HCN1: variants seen among roughly 807,000 people sequenced by gnomAD.
HCN1 encodes the protein hyperpolarization activated cyclic nucleotide gated potassium channel 1.
HCN1 carries 13 observed loss-of-function variants against 78.9 expected under a neutral mutation model. The observed-to-expected ratio is 0.16, with a 90% CI of 0.11 to 0.26. The LOEUF is 0.26. HCN1 is among the 10% of genes least tolerant of loss of function. HCN1 has a pLI of 1.00. For missense variants in HCN1, 810 were observed against 1,154.3 expected (o/e 0.70, Z 4.32); for synonymous variants, 552 against 455.5 (o/e 1.21, Z -2.70).
intron 2 of HCN1, among the ~76,000 whole-genome samples, chr5:45,465,927 T>C (rs58583636): frequency 5.9e-4 from 90 of 152,290 alleles, no homozygotes; most frequent in African/African-American, 2.0e-3. Context: ...TGAACTTTTT[T>C]TATATTATAG....
intron 3 of HCN1, among the ~76,000 whole-genome samples, chr5:45,427,297 A>G (rs971612450): frequency 6.6e-6 from 1 of 152,056 alleles, no homozygotes; most frequent in African/African-American, 2.4e-5. Flanking sequence ...AAAAAAAAAT[A>G]CAAAAGAACT....
intron 1 of HCN1, among the ~76,000 whole-genome samples, chr5:45,658,723 C>A (rs1243188718): frequency 2.0e-5 from 3 of 151,910 alleles, no homozygotes; most frequent in Non-Finnish European, 4.4e-5. Flanking sequence ...GTCACTCCCA[C>A]CCGAATATTG....
chr5:45,616,486 T>C (rs1744956812), intron 2 of HCN1, among the ~76,000 whole-genome samples: 1 of 152,050 alleles, frequency 6.6e-6, no homozygotes, highest in South Asian at 2.1e-4. Context: ...AAATAGTTTA[T>C]TCTATTTAAT....
chr5:45,602,908 C>G (rs1477439778), intron 2 of HCN1, among the ~76,000 whole-genome samples: 1 of 152,030 alleles, frequency 6.6e-6, no homozygotes, highest in East Asian at 1.9e-4. Context: ...TTCTAGTGAT[C>G]AGAAGCAATC....
intron 3 of HCN1, among the ~76,000 whole-genome samples, chr5:45,446,954 C>T (rs1372019770): frequency 2.0e-5 from 3 of 151,952 alleles, no homozygotes; most frequent in Non-Finnish European, 2.9e-5. Flanking sequence ...TAAAGACCAT[C>T]GAGACTAGGA....
chr5:45,536,273 A>AT (rs1007616229), intron 2 of HCN1, among the ~76,000 whole-genome samples: 2 of 152,044 alleles, frequency 1.3e-5, no homozygotes, highest in Non-Finnish European at 2.9e-5. Flanking sequence ...CCTTTAAAAC[A>AT]TTTTTTCTGC....
At chr5:45,309,691 G>A (rs542529154) in intron 5 of HCN1, among the ~76,000 whole-genome samples, 8 of 152,118 alleles carry the variant, frequency 5.3e-5, no homozygotes, top group South Asian at 4.1e-4. Context: ...ATGTTGAACC[G>A]ACCTTACATC....
At chr5:45,606,150 G>A (rs1744723421) in intron 2 of HCN1, among the ~76,000 whole-genome samples, 1 of 151,936 alleles carries the variant, frequency 6.6e-6, no homozygotes, top group South Asian at 2.1e-4. Context: ...AGCAACCATT[G>A]CCAGAAAATT....
In HCN1 at chr5:45,307,146, T is replaced by C. The variant is rs931454150; in HGVS notation, c.1378-3307A>G. 2.8e-4 allele frequency among the ~76,000 whole-genome samples: 42 copies of C among 152,062 alleles called. 1 individual carries two copies. Among genetic ancestry groups the C allele is most frequent in the East Asian group, 1.9e-4 (1 of 5,146 alleles). ...GCTGGAAAAACTTGAGTAACAACAA[T>C]AAAAAGTATTGGATTAAACCCAAAG... On this transcript the variant is annotated intron_variant, in intron 5 of 7. Transcript: ENST00000303230.
At chr5:45,347,758 G>A (rs999980490) in intron 5 of HCN1, among the ~76,000 whole-genome samples, 93 of 152,206 alleles carry the variant, frequency 6.1e-4, no homozygotes, top group Admixed American at 1.8e-3. Flanking sequence ...TGGAAGAAAG[G>A]GTATCAGTGA....
intron 6 of HCN1, among the ~76,000 whole-genome samples, chr5:45,282,350 C>A (rs978476731): frequency 5.3e-5 from 8 of 152,112 alleles, no homozygotes; most frequent in Admixed American, 1.3e-4. Flanking sequence ...TGTTGCCACA[C>A]AATATCTTGA....
chr5:45,344,925 TG>T (rs1746667076), intron 5 of HCN1, among the ~76,000 whole-genome samples: 3 of 152,316 alleles, frequency 2.0e-5, no homozygotes, highest in East Asian at 3.9e-4. Flanking sequence ...GGAGACTCCC[TG>T]TGGGGGTTCT....
rs559792985 is a variant in HCN1, at chr5:45,683,355, T to C, written c.425+12314A>G. Among the ~76,000 whole-genome samples, 7 of 152,302 alleles carry C rather than the reference T, an allele frequency of 4.6e-5. No homozygotes were observed. In the South Asian group the frequency reaches 1.4e-3, roughly 32 times the overall value. On this transcript the variant is annotated intron_variant, in intron 1 of 7. Coordinates refer to ENST00000303230, the MANE Select transcript of HCN1 (RefSeq NM_021072.4). ...TAGGAAAGTTACTGATATATCTTAA[T>C]GTATTTATCTTAGAAGCAGCCATCT...
chr5:45,567,272 G>C (rs774715685), intron 2 of HCN1, among the ~76,000 whole-genome samples: 1 of 149,772 alleles, frequency 6.7e-6, no homozygotes, highest in African/African-American at 2.5e-5. Context: ...GACACCTACC[G>C]TGTGCCAGAA....
Position 45,540,308 on chromosome 5 carries a change from T to C in HCN1, c.850-78301A>G, listed in dbSNP as rs1001643054. Among the ~76,000 whole-genome samples, 21 of 148,562 alleles carry C rather than the reference T, an allele frequency of 1.4e-4. 1 individual carries two copies. The highest frequency in any genetic ancestry group is 1.2e-3 in the Admixed American group (18 of 14,476). ...TCTGCAAAAATGAATAAAAAAATAC[T>C]GTCTTACTATTTTACTGATTTTTTT... On this transcript the variant is annotated intron_variant, in intron 2 of 7. Transcript: ENST00000303230.
intron 3 of HCN1, among the ~76,000 whole-genome samples, chr5:45,431,856 G>T (rs140862014): frequency 6.6e-6 from 1 of 152,148 alleles, no homozygotes; most frequent in South Asian, 2.1e-4. Flanking sequence ...ACAGTTTGAG[G>T]TCGGATAACA....
chr5:45,388,962 C>A (rs932043326), intron 4 of HCN1, among the ~76,000 whole-genome samples: 4 of 152,124 alleles, frequency 2.6e-5, no homozygotes, highest in African/African-American at 9.7e-5. Flanking sequence ...CCAAAGAAGA[C>A]CAGGCCAGTT....
intron 2 of HCN1, among the ~76,000 whole-genome samples, chr5:45,630,813 T>G (rs1197623322): frequency 6.6e-6 from 1 of 151,852 alleles, no homozygotes; most frequent in Admixed American, 6.6e-5. Flanking sequence ...AAGAGAACTG[T>G]TTTTTTTAAA....
At chr5:45,653,245 T>C (rs1366789608) in intron 1 of HCN1, among the ~76,000 whole-genome samples, 1 of 151,992 alleles carries the variant, frequency 6.6e-6, no homozygotes, top group African/African-American at 2.4e-5. Flanking sequence ...TCAAATAAAT[T>C]CCAGTTCCTT....
Sources: allele counts gnomAD v4.1 joint callset (sites outside exome capture counted in the v4.1 genomes callset), GRCh38; gene constraint gnomAD v4.1.1; transcripts MANE v1.5; gene names NCBI Gene and HGNC (gene_info 2026-07-23, HGNC 2026-07-21).